Variants in PPFIBP1 observed in about 807,000 individuals in gnomAD.
PPFIBP1 encodes the protein liprin-beta-1.
Under a neutral mutation model 137.8 loss-of-function variants are expected in PPFIBP1, and 112 were observed. That is an observed-to-expected ratio of 0.81 (90% CI 0.70 to 0.95). The LOEUF (loss-of-function observed/expected upper bound fraction) is 0.95, where lower values mean the gene tolerates loss of function less well. PPFIBP1 is among the 40% of genes least tolerant of loss of function. The probability of loss-of-function intolerance (pLI) is 0.00; values close to 1 mark genes in which losing one functional copy is unlikely to be tolerated. For missense variants in PPFIBP1, 1,083 were observed against 1,196.6 expected, an observed-to-expected ratio of 0.91 and a Z score of 1.40; for synonymous variants, 378 against 417.3, an observed-to-expected ratio of 0.91 and a Z score of 1.15.
At chr12:27,690,230 C>T (rs907984908) in intron 27 of PPFIBP1, among the ~76,000 whole-genome samples, 5 of 151,878 alleles carry the variant, frequency 3.3e-5, no homozygotes, top group Non-Finnish European at 4.4e-5. Context: ...ATAGGGAGGC[C>T]CAACTTTTTA....
intron 1 of PPFIBP1, among the ~76,000 whole-genome samples, chr12:27,535,678 C>T (rs1272644917): frequency 6.6e-6 from 1 of 152,250 alleles, no homozygotes; most frequent in South Asian, 2.1e-4. Flanking sequence ...GTATTGCAGG[C>T]GTGAGCCACT....
At chr12:27,554,261 C>T (rs184450820) in intron 1 of PPFIBP1, among the ~76,000 whole-genome samples, 11 of 152,316 alleles carry the variant, frequency 7.2e-5, no homozygotes, top group African/African-American at 1.9e-4. Flanking sequence ...TGTTGCCATC[C>T]GCCAGATTTC....
chr12:27,619,410 C>T (rs1044471286), intron 2 of PPFIBP1, among the ~76,000 whole-genome samples: 1 of 151,782 alleles, frequency 6.6e-6, no homozygotes, highest in African/African-American at 2.4e-5. Context: ...ATTTTCTATT[C>T]ATAGTTCTTT....
intron 2 of PPFIBP1, among the ~76,000 whole-genome samples, chr12:27,621,579 C>T (rs924559926): frequency 6.6e-6 from 1 of 152,094 alleles, no homozygotes; most frequent in Non-Finnish European, 1.5e-5. Flanking sequence ...CTCCCACAGC[C>T]GAAAACTGGT....
rs1227488750 is a variant in PPFIBP1, at chr12:27,576,606, T to A, written c.-123-1546T>A. On this transcript the variant is annotated intron_variant, in intron 1 of 29. Coordinates refer to ENST00000228425, the MANE Select transcript of PPFIBP1 (RefSeq NM_003622.4). ...CTCAGACCCGGACTGACCTCTGCCC[T>A]GGGGCTCAGGCTGGGACTTGTATTT... 2.0e-5 allele frequency among the ~76,000 whole-genome samples: 3 copies of A among 152,288 alleles called. No homozygotes were observed. In the East Asian group the frequency reaches 5.8e-4, roughly 29 times the overall value.
At chr12:27,688,201 A>G (rs1311849321) in intron 25 of PPFIBP1, 97 bp from the exon 26 acceptor site, 1 of 1,328,856 alleles carries the variant, frequency 7.5e-7, no homozygotes, top group African/African-American at 1.5e-5. Flanking sequence ...TTCTTTTTGC[A>G]TTTAGTGGGT....
intron 12 of PPFIBP1, among the ~76,000 whole-genome samples, chr12:27,666,956 A>G (rs2059895204): frequency 6.6e-6 from 1 of 152,168 alleles, no homozygotes; most frequent in Admixed American, 6.5e-5. Context: ...ACAGGTAGCC[A>G]TTGTGGCCCA....
chr12:27,580,122 C>A (rs941759940), intron 2 of PPFIBP1, among the ~76,000 whole-genome samples: 34 of 152,016 alleles, frequency 2.2e-4, no homozygotes, highest in African/African-American at 8.2e-4. Flanking sequence ...GCTTGTGAGA[C>A]CCGATGTGTC....
intron 1 of PPFIBP1, among the ~76,000 whole-genome samples, chr12:27,525,539 A>C (rs1056535946): frequency 2.0e-5 from 3 of 149,200 alleles, no homozygotes; most frequent in African/African-American, 4.9e-5. Flanking sequence ...AAAAAAAAGT[A>C]AGCGCTGAGA....
chr12:27,673,688 G>A, intron 15 of PPFIBP1, 79 bp from the exon 16 acceptor site: 2 of 1,267,668 alleles, frequency 1.6e-6, no homozygotes, highest in Non-Finnish European at 2.2e-6. Flanking sequence ...CGCAATTTTA[G>A]TTTCTTTCCA....
chr12:27,674,079 T>C, intron 16 of PPFIBP1, 113 bp from the exon 17 acceptor site: 2 of 938,854 alleles, frequency 2.1e-6, no homozygotes, highest in South Asian at 3.2e-5. Context: ...TAAGATTTTG[T>C]AGCTTAGAAG....
chr12:27,557,818 A>T (rs1206749948), intron 1 of PPFIBP1, among the ~76,000 whole-genome samples: 9 of 152,202 alleles, frequency 5.9e-5, no homozygotes, highest in African/African-American at 2.2e-4. Flanking sequence ...AGTGATGCAG[A>T]TGTATTGGGG....
intron 13 of PPFIBP1, among the ~76,000 whole-genome samples, chr12:27,670,791 A>ATAAT (rs1223053194): frequency 1.8e-4 from 25 of 138,758 alleles, no homozygotes; most frequent in East Asian, 1.0e-3. Context: ...AAAAAAAAAA[A>ATAAT]AAAAATAATA....
intron 1 of PPFIBP1, among the ~76,000 whole-genome samples, chr12:27,555,571 T>C (rs2048641184): frequency 6.6e-6 from 1 of 152,222 alleles, no homozygotes; most frequent in Non-Finnish European, 1.5e-5. Context: ...TGCTTTTCTT[T>C]GGAGGAAATC....
At position 27,667,242 on chromosome 12, in the gene PPFIBP1, T is replaced by A. The variant is rs1479479328; in HGVS notation, c.1068T>A (p.Asp356Glu). ...SSLLDAQGFS[D>E]LEKSPSPTPV... is the part of the protein sequence containing the mutation. Reference sequence around the variant, plus strand: ...TGCTGGATGCACAGGGTTTCAGTGATCTGGAGAAAAGTCCATCACCCACTC... The same window carrying A: ...TGCTGGATGCACAGGGTTTCAGTGAACTGGAGAAAAGTCCATCACCCACTC... Residue 356 changes from aspartate (D) to glutamate (E), a missense_variant, in exon 13 of 30, where the codon GAT (aspartate) becomes GAA (glutamate). Transcript: ENST00000228425. 1.2e-6 allele frequency: 2 copies of A among 1,613,744 alleles called. No homozygotes were observed. The highest frequency in any genetic ancestry group is 1.7e-6 in the Non-Finnish European group (2 of 1,179,824).
chr12:27,687,676 G>A (rs7297600), intron 25 of PPFIBP1, among the ~76,000 whole-genome samples, 169 bp downstream of exon 25: 7,378 of 152,070 alleles, frequency 0.049, 578 homozygotes, highest in African/African-American at 0.17. Flanking sequence ...CTCCATGACG[G>A]TTCCCCTTGT....
intron 2 of PPFIBP1, among the ~76,000 whole-genome samples, chr12:27,584,823 C>T (rs7316571): frequency 0.11 from 17,138 of 152,220 alleles, 1,465 homozygotes; most frequent in East Asian, 0.41. Flanking sequence ...TCACGTATCC[C>T]CATGTCCTTG....
intron 10 of PPFIBP1, among the ~76,000 whole-genome samples, chr12:27,659,803 G>C (rs1410914135): frequency 1.3e-5 from 2 of 152,116 alleles, no homozygotes; most frequent in Non-Finnish European, 2.9e-5. Context: ...AAGAAGACTG[G>C]ATGTGGTGGC....
At chr12:27,620,781 A>T (rs1032686181) in intron 2 of PPFIBP1, among the ~76,000 whole-genome samples, 17 of 152,086 alleles carry the variant, frequency 1.1e-4, no homozygotes, top group African/African-American at 4.1e-4. Context: ...AAGCACTAAA[A>T]ACAGTGCCCG....
Sources: gnomAD v4.1 joint callset for allele counts (sites outside exome capture counted in the v4.1 genomes callset) on GRCh38, gnomAD v4.1.1 for gene constraint, MANE v1.5 for transcripts, NCBI Gene and HGNC (gene_info 2026-07-23, HGNC 2026-07-21) for gene names.